The following PLBD1 variants were observed in gnomAD, a reference collection of about 807,000 sequenced individuals.
PLBD1 encodes lysosomal leucine aminopeptidase.
A neutral mutation model predicts 63.0 loss-of-function variants in PLBD1; 60 were observed. That is an observed-to-expected ratio of 0.95 (90% CI 0.77 to 1.18). PLBD1 has a LOEUF of 1.18. Among genes scored for constraint, PLBD1 ranks in the 50% most tolerant of loss-of-function variants. The pLI, the probability that PLBD1 is intolerant of heterozygous loss-of-function variation, is 0.00. For missense variants in PLBD1, 598 were observed against 677.9 expected, an observed-to-expected ratio of 0.88 and a Z score of 1.31; for synonymous variants, 262 against 248.0, an observed-to-expected ratio of 1.06 and a Z score of -0.53.
chr12:14,543,078 T>TG (rs1945588756), intron 2 of PLBD1, among the ~76,000 whole-genome samples: 1 of 20,260 alleles, frequency 4.9e-5, no homozygotes, highest in Admixed American at 1.0e-3. Flanking sequence ...AATCCACTTA[T>TG]ATTACTGGGA....
In PLBD1 at chr12:14,540,804, T is replaced by C. The variant is rs751331988; in HGVS notation, c.518A>G (p.Tyr173Cys). Reference protein sequence around the residue: ...GYVMAQIDGLYVGAKKRAILE... With the variant: ...GYVMAQIDGLCVGAKKRAILE... ...TATAGCCCTCTTCTTTGCTCCTACA[T>C]AGAGGCCATCTATTTGTGCCATCAC... The change falls in exon 4 of 11, where the codon TAT becomes TGT. Residue 173 changes from tyrosine (Y) to cysteine (C), a missense_variant. By Grantham distance (194) the Tyr-to-Cys change is radical. Coordinates refer to ENST00000240617, the MANE Select transcript of PLBD1 (RefSeq NM_024829.6). The C allele has an allele frequency of 6.2e-7, 1 of 1,610,664 alleles. No individual in the cohort carries two copies. The highest frequency in any genetic ancestry group is 1.1e-5 in the South Asian group (1 of 90,676).
At chr12:14,563,138 A>G (rs893590906) in intron 1 of PLBD1, among the ~76,000 whole-genome samples, 2 of 152,210 alleles carry the variant, frequency 1.3e-5, no homozygotes, top group Non-Finnish European at 2.9e-5. Context: ...AATAATGAAG[A>G]TAAGTGGGCA....
chr12:14,544,429 C>T (rs1945600529), intron 2 of PLBD1, among the ~76,000 whole-genome samples: 1 of 152,318 alleles, frequency 6.6e-6, no homozygotes, highest in African/African-American at 2.4e-5. Flanking sequence ...CCACCTCAGC[C>T]TCCCAAAGTA....
chr12:14,525,474 T>C (rs1383516250), intron 6 of PLBD1, among the ~76,000 whole-genome samples: 1 of 151,756 alleles, frequency 6.6e-6, no homozygotes, highest in Non-Finnish European at 1.5e-5. Context: ...GAAAAGAGGA[T>C]GGAAAAAATA....
intron 6 of PLBD1, among the ~76,000 whole-genome samples, chr12:14,523,572 C>T (rs1945393761): frequency 6.6e-6 from 1 of 152,092 alleles, no homozygotes; most frequent in African/African-American, 2.4e-5. Flanking sequence ...TACCTGGCTT[C>T]AAAATATACT....
chr12:14,533,958 A>T (rs1945488914), intron 6 of PLBD1, among the ~76,000 whole-genome samples: 2 of 152,132 alleles, frequency 1.3e-5, no homozygotes, highest in Admixed American at 1.3e-4. Flanking sequence ...AGCCTGGGGA[A>T]TGTAGCAAGA....
At chr12:14,523,523 C>T (rs1355482979) in intron 6 of PLBD1, among the ~76,000 whole-genome samples, 3 of 152,082 alleles carry the variant, frequency 2.0e-5, no homozygotes. Context: ...ATAGTCAAAG[C>T]AATCTTGAGC....
At chr12:14,521,411 G>A (rs997468972) in intron 6 of PLBD1, among the ~76,000 whole-genome samples, 4 of 151,998 alleles carry the variant, frequency 2.6e-5, no homozygotes, top group African/African-American at 9.7e-5. Context: ...TAGGCCTTGT[G>A]CACCCGTGGC....
chr12:14,506,523 C>G (rs553015985), intron 9 of PLBD1, among the ~76,000 whole-genome samples: 1 of 152,186 alleles, frequency 6.6e-6, no homozygotes, highest in Non-Finnish European at 1.5e-5. Context: ...ACCAGATAAA[C>G]GTCCATCAGC....
intron 6 of PLBD1, among the ~76,000 whole-genome samples, chr12:14,530,422 G>T (rs1945450134): frequency 6.6e-6 from 1 of 152,090 alleles, no homozygotes; most frequent in Non-Finnish European, 1.5e-5. Flanking sequence ...ATTGTTTTTA[G>T]CCACTAATGT....
chr12:14,523,979 A>G (rs1945397253), intron 6 of PLBD1, among the ~76,000 whole-genome samples: 1 of 152,208 alleles, frequency 6.6e-6, no homozygotes, highest in Non-Finnish European at 1.5e-5. Flanking sequence ...TTCAGCCATA[A>G]AAAGGATCAA....
chr12:14,542,059 G>C lies in PLBD1; in HGVS notation c.419+149C>G, dbSNP rs1862014. ...TCTGCAACCACTTTTCATGCCATTA[G>C]CAAAAAGTGCTATACCCTACTACAA... On this transcript the variant is annotated intron_variant, in intron 3 of 10. Transcript: ENST00000240617. The C allele has an allele frequency of 0.98, 584,017 of 594,776 alleles. 287,029 individuals carry two copies. The highest frequency in any genetic ancestry group is 1 in the East Asian group (35,914 of 35,914). The allele number at this position is 594,776 out of a possible 1,614,324, so 36.8% of individuals were successfully genotyped here.
At chr12:14,511,113 G>T in intron 8 of PLBD1, 147 bp downstream of exon 8, 1 of 807,554 alleles carries the variant, frequency 1.2e-6, no homozygotes, top group Non-Finnish European at 1.9e-6. Flanking sequence ...TGCTAAACCT[G>T]GTCATTCTGG....
intron 6 of PLBD1, among the ~76,000 whole-genome samples, chr12:14,526,958 G>A (rs1945420987): frequency 6.6e-6 from 1 of 152,102 alleles, no homozygotes; most frequent in African/African-American, 2.4e-5. Context: ...GGCAACAAGA[G>A]CGAAACTCCA....
Position 14,527,291 on chromosome 12 carries a change from A to G in PLBD1, c.844+8368T>C, listed in dbSNP as rs553165925. Reference sequence around the variant, plus strand: ...ATGCTAACTTTAGCTTATGGCACCAATTTACTAAAGAACAACAGGGTCACC... The same window carrying G: ...ATGCTAACTTTAGCTTATGGCACCAGTTTACTAAAGAACAACAGGGTCACC... On this transcript the variant is annotated intron_variant, in intron 6 of 10. Transcript: ENST00000240617. Among the ~76,000 whole-genome samples, 5 of 152,274 alleles carry G rather than the reference A, an allele frequency of 3.3e-5. No homozygotes were observed. In the East Asian group the frequency reaches 9.6e-4, roughly 29 times the overall value.
chr12:14,503,865 G>T lies in PLBD1; in HGVS notation c.1569C>A (p.Asp523Glu). 2.5e-6 allele frequency: 4 copies of T among 1,613,866 alleles called. No homozygotes were observed. The highest frequency in any genetic ancestry group is 2.5e-6 in the Non-Finnish European group (3 of 1,179,818). The part of the protein sequence containing the change: ...VQGGLPVFRW[D>E]RFNKTLHQGM... The stretch of plus-strand genomic sequence containing the variant: ...CCTGATGTAGAGTTTTGTTGAAACG[G>T]TCCCAGCGAAAAACAGGGAGGCCAC... Residue 523 changes from aspartate to glutamate, a missense_variant, in exon 11 of 11, where the codon GAC becomes GAA. Coordinates refer to ENST00000240617, the MANE Select transcript of PLBD1 (RefSeq NM_024829.6).
At chr12:14,562,428 C>A (rs1421131764) in intron 1 of PLBD1, among the ~76,000 whole-genome samples, 2 of 145,240 alleles carry the variant, frequency 1.4e-5, no homozygotes, top group African/African-American at 5.1e-5. Context: ...GCACTGCGGT[C>A]CAGCCTGAGT....
At chr12:14,536,905 A>C (rs977467828) in intron 4 of PLBD1, among the ~76,000 whole-genome samples, 195 bp from the exon 5 acceptor site, 2 of 152,100 alleles carry the variant, frequency 1.3e-5, no homozygotes, top group African/African-American at 4.8e-5. Context: ...CCTGGCCAAC[A>C]CAGCAAAACC....
At chr12:14,546,011 G>T (rs1418822569) in intron 2 of PLBD1, among the ~76,000 whole-genome samples, 1 of 152,008 alleles carries the variant, frequency 6.6e-6, no homozygotes, top group Non-Finnish European at 1.5e-5. Context: ...CTCTGTCCTG[G>T]CCTCATGCTC....
Sources: gnomAD v4.1 joint callset for allele counts (sites outside exome capture counted in the v4.1 genomes callset) on GRCh38, gnomAD v4.1.1 for gene constraint, MANE v1.5 for transcripts, NCBI Gene and HGNC (gene_info 2026-07-23, HGNC 2026-07-21) for gene names.